GREM2: variants seen among roughly 807,000 people sequenced by gnomAD.
The protein encoded by GREM2 is gremlin 2, DAN family BMP antagonist, also known as gremlin-2.
Under a neutral mutation model 14.2 loss-of-function variants are expected in GREM2, and 11 were observed. The ratio of observed to expected loss-of-function variants is 0.78; its 90% CI spans 0.49 to 1.28. GREM2 has a LOEUF of 1.28. Among genes scored for constraint, GREM2 ranks in the 50% most tolerant of loss-of-function variants. The pLI is 0.00. For synonymous variants in GREM2, 98 were observed against 97.6 expected (o/e 1.00, Z -0.02); for missense variants, 210 against 218.5 (o/e 0.96, Z 0.24).
intron 1 of GREM2, among the ~76,000 whole-genome samples, chr1:240,500,362 G>T (rs988288487): frequency 1.3e-5 from 2 of 151,382 alleles, no homozygotes; most frequent in African/African-American, 4.9e-5. Context: ...GCAGTGGCGC[G>T]ATCTTGGCTC....
At chr1:240,562,992 ATG>A (rs946675468) in intron 1 of GREM2, among the ~76,000 whole-genome samples, 18 of 118,888 alleles carry the variant, frequency 1.5e-4, no homozygotes, top group Admixed American at 7.3e-4. Context: ...GTAAGTGTGT[ATG>A]TGTGTATATG....
intron 1 of GREM2, among the ~76,000 whole-genome samples, chr1:240,601,430 T>C (rs1571952775): frequency 6.6e-6 from 1 of 152,164 alleles, no homozygotes; most frequent in African/African-American, 2.4e-5. Flanking sequence ...TGTGAGGACA[T>C]AGAGCCAAAG....
intron 1 of GREM2, among the ~76,000 whole-genome samples, chr1:240,582,177 C>T (rs931079538): frequency 5.3e-5 from 8 of 152,224 alleles, no homozygotes; most frequent in African/African-American, 1.9e-4. Context: ...ATGGCTCATG[C>T]CTGTAATCCC....
chr1:240,539,024 A>G (rs374794067), intron 1 of GREM2, among the ~76,000 whole-genome samples: 4 of 152,178 alleles, frequency 2.6e-5, no homozygotes, highest in Non-Finnish European at 4.4e-5. Flanking sequence ...GGGTTGATGT[A>G]GATCAAAAAG....
At chr1:240,507,319 C>G (rs1309837000) in intron 1 of GREM2, among the ~76,000 whole-genome samples, 2 of 138,214 alleles carry the variant, frequency 1.4e-5, no homozygotes, top group Non-Finnish European at 3.1e-5. Flanking sequence ...CTTCCTCCTT[C>G]CCTCCCTCCC....
intron 1 of GREM2, among the ~76,000 whole-genome samples, chr1:240,594,024 A>G (rs1679765858): frequency 6.6e-6 from 1 of 152,074 alleles, no homozygotes; most frequent in African/African-American, 2.4e-5. Flanking sequence ...CATGATCATA[A>G]CTCACTGCAG....
chr1:240,560,288 G>A (rs991579116), intron 1 of GREM2, among the ~76,000 whole-genome samples: 6 of 152,124 alleles, frequency 3.9e-5, no homozygotes, highest in East Asian at 1.9e-4. Context: ...TGATACTGCC[G>A]CCATGGGTGC....
At chr1:240,535,547 C>A (rs574883033) in intron 1 of GREM2, among the ~76,000 whole-genome samples, 1 of 152,190 alleles carries the variant, frequency 6.6e-6, no homozygotes, top group South Asian at 2.1e-4. Context: ...TGCCTGTAAT[C>A]CCCACATTTT....
At position 240,562,843 on chromosome 1, in the gene GREM2, AGTGT is replaced by A. The variant is rs781283647; in HGVS notation, c.-2+49037_-2+49040del. On this transcript the variant is annotated intron_variant, in intron 1 of 1. Coordinates refer to ENST00000318160, the MANE Select transcript of GREM2 (RefSeq NM_022469.4). ...GTGTACACGTGAGTGTGTGTATATGAGTGTGTATGTGTGTATGTGTATATGTGAG... is the reference window on the plus strand; with the variant it reads ...GTGTACACGTGAGTGTGTGTATATGAGTATGTGTGTATGTGTATATGTGAG... 4.2e-4 allele frequency among the ~76,000 whole-genome samples: 61 copies of A among 144,556 alleles called. 1 individual carries two copies. The highest frequency in any genetic ancestry group is 9.6e-4 in the Admixed American group (14 of 14,594). The allele number at this position is 144,556 out of a possible 152,430, so 94.8% of individuals were successfully genotyped here.
At chr1:240,496,741 G>A (rs774725511) in intron 1 of GREM2, among the ~76,000 whole-genome samples, 59 of 152,144 alleles carry the variant, frequency 3.9e-4, no homozygotes, top group Non-Finnish European at 7.3e-4. Context: ...CAGGCTCAGC[G>A]GCTCATGCCT....
intron 1 of GREM2, among the ~76,000 whole-genome samples, chr1:240,608,563 T>C (rs1030733543): frequency 1.3e-5 from 2 of 152,228 alleles, no homozygotes; most frequent in African/African-American, 4.8e-5. Flanking sequence ...GGTTGAATAA[T>C]ATTTTTAATG....
intron 1 of GREM2, among the ~76,000 whole-genome samples, chr1:240,552,190 G>C (rs527303588): frequency 7.7e-4 from 117 of 152,234 alleles, no homozygotes; most frequent in African/African-American, 2.5e-3. Context: ...CTAAATCAAA[G>C]ACACTCAACT....
At chr1:240,505,485 G>C (rs1330165427) in intron 1 of GREM2, among the ~76,000 whole-genome samples, 1 of 152,030 alleles carries the variant, frequency 6.6e-6, no homozygotes, top group African/African-American at 2.4e-5. Context: ...ATCTATTTAA[G>C]AGATGAAAAT....
At chr1:240,569,838 A>C (rs1679227235) in intron 1 of GREM2, among the ~76,000 whole-genome samples, 1 of 152,232 alleles carries the variant, frequency 6.6e-6, no homozygotes, top group African/African-American at 2.4e-5. Flanking sequence ...AAAATTGATA[A>C]ATTAGACTTC....
chr1:240,589,449 A>C (rs1173426691), intron 1 of GREM2, among the ~76,000 whole-genome samples: 5 of 150,428 alleles, frequency 3.3e-5, no homozygotes, highest in Non-Finnish European at 7.4e-5. Flanking sequence ...AAAAAAGAAA[A>C]AAAAAAGAAA....
intron 1 of GREM2, among the ~76,000 whole-genome samples, chr1:240,546,762 C>T (rs1009621568): frequency 1.3e-5 from 2 of 152,020 alleles, no homozygotes; most frequent in African/African-American, 2.4e-5. Flanking sequence ...ATTTTTATCT[C>T]ATTGAAAGAG....
At position 240,542,572 on chromosome 1, in the gene GREM2, G is replaced by A. The variant is rs1678616081; in HGVS notation, c.-1-49096C>T. 6.6e-6 allele frequency among the ~76,000 whole-genome samples: 1 copy of A among 151,772 alleles called. No homozygotes were observed. ...GGAGGTTGCAGTGAGCCAAGATTGT[G>A]CCCCTGCACTCCAGCCTAGTGACAG... is the stretch of plus-strand genomic sequence containing the variant. On this transcript the variant is annotated intron_variant, in intron 1 of 1. Transcript: ENST00000318160. This position sits in a 1 kb window ranked among gnomAD's most constrained non-coding sequence, Gnocchi z 4.1.
chr1:240,556,845 AC>A (rs1678959393), intron 1 of GREM2, among the ~76,000 whole-genome samples: 1 of 152,164 alleles, frequency 6.6e-6, no homozygotes, highest in Non-Finnish European at 1.5e-5. Flanking sequence ...AAAGTAAGGG[AC>A]CACTGCGAAA....
intron 1 of GREM2, among the ~76,000 whole-genome samples, chr1:240,581,002 C>A (rs1259878387): frequency 6.6e-6 from 1 of 152,164 alleles, no homozygotes; most frequent in Non-Finnish European, 1.5e-5. Context: ...GTAATCCCAG[C>A]ACTTTGGGAG....
Sources: gnomAD v4.1 joint callset for allele counts (sites outside exome capture counted in the v4.1 genomes callset) on GRCh38, gnomAD v4.1.1 for gene constraint, Gnocchi (gnomAD v3.1) non-coding constraint, MANE v1.5 for transcripts, NCBI Gene and HGNC (gene_info 2026-07-23, HGNC 2026-07-21) for gene names.